Variants in ADGRG3 observed in about 807,000 individuals in gnomAD.
ADGRG3 encodes adhesion G protein-coupled receptor G3.
Under a neutral mutation model 54.3 loss-of-function variants are expected in ADGRG3, and 39 were observed. That is an observed-to-expected ratio of 0.72 (90% CI 0.56 to 0.94). The LOEUF (loss-of-function observed/expected upper bound fraction) is 0.94. Ranked by LOEUF, ADGRG3 falls within the 40% of genes least tolerant of loss-of-function variation. ADGRG3 has a pLI of 0.00. For synonymous variants in ADGRG3, 312 were observed against 290.0 expected (o/e 1.08, Z -0.77); for missense variants, 654 against 694.6 (o/e 0.94, Z 0.66).
At chr16:57,667,002 C>T (rs2048073170), upstream of ADGRG3, among the ~76,000 whole-genome samples, 1 of 152,228 alleles carries the variant, frequency 6.6e-6, no homozygotes, top group African/African-American at 2.4e-5. Flanking sequence ...AGGTGTGGAG[C>T]AGTGGCAGGC....
chr16:57,687,062 T>C (rs2048486051), intron 11 of ADGRG3, among the ~76,000 whole-genome samples: 1 of 152,174 alleles, frequency 6.6e-6, no homozygotes, highest in South Asian at 2.1e-4. Context: ...GCGTCCTAGA[T>C]GCAGCGGGTA....
rs1362010168 is a variant in ADGRG3, at chr16:57,683,998, G to C, written c.948G>C (p.Leu316=). Reference sequence around the variant, plus strand: ...TCCACGTGGCCCTGGGTGGCAGCCTGTTCCTCCTGAATCTGGCCTTCTTGG... The same window carrying C: ...TCCACGTGGCCCTGGGTGGCAGCCTCTTCCTCCTGAATCTGGCCTTCTTGG... ...PKIHVALGGS[L]FLLNLAFLVN... is the part of the protein sequence containing the mutation. Residue 316 remains leucine, a synonymous_variant, in exon 9 of 12, where the codon CTG becomes CTC. Transcript: ENST00000333493. 6.2e-7 allele frequency: 1 copy of C among 1,607,892 alleles called. No homozygotes were observed. The highest frequency in any genetic ancestry group is 8.5e-7 in the Non-Finnish European group (1 of 1,175,480).
In ADGRG3 at chr16:57,688,697, C is replaced by T. The variant is rs538883919; in HGVS notation, c.*236C>T. On this transcript the variant is annotated 3_prime_UTR_variant, in exon 12 of 12. Transcript: ENST00000333493. ...TCTAAAGTTCCTATAGTCCTGAGAC[C>T]CCCTGCCAGCAAAGAGTGACAGTCA... is the stretch of plus-strand genomic sequence containing the variant. 2.0e-6 allele frequency: 1 copy of T among 489,426 alleles called. No homozygotes were observed. The highest frequency in any genetic ancestry group is 1.9e-5 in the African/African-American group (1 of 51,796). The allele number at this position is 489,426 out of a possible 1,614,324, so 30.3% of individuals were successfully genotyped here. A position where few individuals can be genotyped will look rare whatever the true frequency, so the allele number is the denominator to read the frequency against.
intron 2 of ADGRG3, among the ~76,000 whole-genome samples, chr16:57,675,524 G>C (rs576184742): frequency 1.3e-5 from 2 of 152,196 alleles, no homozygotes; most frequent in South Asian, 4.1e-4. Context: ...CCAGCTCCTC[G>C]GGAGGCTGAG....
At chr16:57,668,693 A>C (rs997035469) in intron 1 of ADGRG3, among the ~76,000 whole-genome samples, 1 of 152,024 alleles carries the variant, frequency 6.6e-6, no homozygotes, top group African/African-American at 2.4e-5. Context: ...TGACTCCCCA[A>C]CCTGGGCTGT....
intron 11 of ADGRG3, among the ~76,000 whole-genome samples, chr16:57,686,466 A>G (rs1239840050): frequency 1.3e-5 from 2 of 152,178 alleles, no homozygotes; most frequent in Admixed American, 1.3e-4. Context: ...AACATTGGGA[A>G]TCACATTTGG....
At chr16:57,668,262 G>A (rs1408164683), upstream of ADGRG3, 4 of 1,102,000 alleles carry the variant, frequency 3.6e-6, no homozygotes, top group East Asian at 1.0e-4. Flanking sequence ...TGGGGCTGCA[G>A]GGTGGGGGCA....
Position 57,678,325 on chromosome 16 carries a change from T to A in ADGRG3, c.492+9T>A. Reference sequence around the variant, plus strand: ...CAGGGACTCTCTTCAAGGTGAGGACTCAGGGAAGCTCCAAGGTTAAGTGCT... The same window carrying A: ...CAGGGACTCTCTTCAAGGTGAGGACACAGGGAAGCTCCAAGGTTAAGTGCT... On this transcript the variant is annotated intron_variant, in intron 4 of 11. Coordinates refer to ENST00000333493, the MANE Select transcript of ADGRG3 (RefSeq NM_170776.5). 6.2e-7 allele frequency: 1 copy of A among 1,614,028 alleles called. No homozygotes were observed. The highest frequency in any genetic ancestry group is 1.7e-5 in the Admixed American group (1 of 60,022).
rs1341261101 is a variant in ADGRG3 at position 57,673,478 on chromosome 16, C to T, written c.206+10C>T. The T allele has an allele frequency of 6.3e-7, 1 of 1,589,482 alleles. No individual in the cohort carries two copies. The highest frequency in any genetic ancestry group is 8.6e-7 in the Non-Finnish European group (1 of 1,160,460). On this transcript the variant is annotated intron_variant, in intron 2 of 11. Coordinates refer to ENST00000333493, the MANE Select transcript of ADGRG3 (RefSeq NM_170776.5). ...TGGAAAACTTGCAGAGGTGAGGGGG[C>T]CCCCTGAGCTGGAGGGGGAATCTGA...
upstream of ADGRG3, among the ~76,000 whole-genome samples, chr16:57,666,834 C>T (rs1479527468): frequency 3.9e-5 from 6 of 152,284 alleles, no homozygotes; most frequent in Admixed American, 2.6e-4. Flanking sequence ...CACCCCCAGG[C>T]GCTTCTTCAC....
At chr16:57,669,694 G>GCATTCATTCATT (rs150185008) in intron 1 of ADGRG3, among the ~76,000 whole-genome samples, 1 of 152,144 alleles carries the variant, frequency 6.6e-6, no homozygotes, top group African/African-American at 2.4e-5. Flanking sequence ...CTCCATTTGC[G>GCATTCATTCATT]CATTCATTCA....
chr16:57,679,446 G>T, intron 5 of ADGRG3, 135 bp downstream of exon 5: 1 of 997,422 alleles, frequency 1.0e-6, no homozygotes, highest in Non-Finnish European at 1.5e-6. Flanking sequence ...GGAGCCATTA[G>T]GGCCATACAC....
chr16:57,665,738 C>T (rs546862279), upstream of ADGRG3, among the ~76,000 whole-genome samples: 7 of 152,318 alleles, frequency 4.6e-5, no homozygotes, highest in South Asian at 1.0e-3. Context: ...CTCCCCAAGG[C>T]CCACAGTCCA....
intron 1 of ADGRG3, among the ~76,000 whole-genome samples, chr16:57,670,060 A>G (rs2148691970): frequency 6.6e-6 from 1 of 152,292 alleles, no homozygotes; most frequent in East Asian, 1.9e-4. Context: ...TGGTTTGCTC[A>G]CGGTGAGCCA....
intron 2 of ADGRG3, 49 bp from the exon 3 acceptor site, chr16:57,676,150 TA>T: frequency 6.3e-7 from 1 of 1,576,516 alleles, no homozygotes; most frequent in South Asian, 1.1e-5. Context: ...GATGAGTGAG[TA>T]ACTCAGCCTG....
chr16:57,684,508 G>T (rs777463825), intron 10 of ADGRG3, 25 bp downstream of exon 10: 1 of 1,527,144 alleles, frequency 6.5e-7, no homozygotes, highest in Non-Finnish European at 9.1e-7. Context: ...TGGGAGCAGG[G>T]GTGATGCCAG....
intron 8 of ADGRG3, among the ~76,000 whole-genome samples, chr16:57,683,074 A>T (rs1255925861): frequency 6.6e-6 from 1 of 152,258 alleles, no homozygotes; most frequent in Non-Finnish European, 1.5e-5. Context: ...GGGGCATTTG[A>T]AAGGCAGAAG....
In ADGRG3 at chr16:57,686,734, G is replaced by A. The variant is rs534628153; in HGVS notation, c.1540+808G>A. Reference sequence around the variant, plus strand: ...TGACCTTGCAAGTTGGGTGTCCATCGTCCATCTCTGGTCCAATCAGCTGCG... The same window carrying A: ...TGACCTTGCAAGTTGGGTGTCCATCATCCATCTCTGGTCCAATCAGCTGCG... On this transcript the variant is annotated intron_variant, in intron 11 of 11. Transcript: ENST00000333493. 11 of 152,318 alleles carry A rather than the reference G, an allele frequency of 7.2e-5. No individual in the cohort carries two copies. The East Asian group carries it at 1.7e-3, about 24-fold the overall frequency. The allele number at this position is 152,318 out of a possible 1,614,324, so 9.4% of individuals were successfully genotyped here. A position where few individuals can be genotyped will look rare whatever the true frequency, so the allele number is the denominator to read the frequency against.
intron 8 of ADGRG3, chr16:57,682,370 C>A (rs1216875436): frequency 2.0e-6 from 1 of 500,852 alleles, no homozygotes; most frequent in Non-Finnish European, 2.6e-6. Context: ...TCCGCCCTCT[C>A]CACGTGCCTC....
Sources: gnomAD v4.1 joint callset for allele counts (sites outside exome capture counted in the v4.1 genomes callset) on GRCh38, gnomAD v4.1.1 for gene constraint, MANE v1.5 for transcripts, NCBI Gene and HGNC (gene_info 2026-07-23, HGNC 2026-07-21) for gene names.